The following CCSER1 variants were observed in gnomAD, a reference collection of about 807,000 sequenced individuals.
CCSER1 encodes the protein serine-rich coiled-coil domain-containing protein 1.
CCSER1 carries 41 observed loss-of-function variants against 82.0 expected under a neutral mutation model. The ratio of observed to expected loss-of-function variants is 0.50; its 90% CI spans 0.39 to 0.65. The LOEUF is 0.65. Among genes scored for constraint, CCSER1 ranks in the 30% least tolerant of loss-of-function variants. CCSER1 has a pLI of 0.00. For missense variants in CCSER1, 1,119 were observed against 1,064.2 expected (o/e 1.05, Z -0.72); for synonymous variants, 414 against 383.9 (o/e 1.08, Z -0.92).
intron 10 of CCSER1, among the ~76,000 whole-genome samples, chr4:91,172,314 A>G (rs1732846732): frequency 6.6e-6 from 1 of 152,186 alleles, no homozygotes; most frequent in Non-Finnish European, 1.5e-5. Flanking sequence ...ACAGAGAGAA[A>G]AAAGGAGAGC....
intron 1 of CCSER1, among the ~76,000 whole-genome samples, chr4:90,154,582 A>G (rs1578218090): frequency 6.7e-6 from 1 of 148,848 alleles, no homozygotes; most frequent in East Asian, 1.9e-4. Flanking sequence ...TTCTCCTTGA[A>G]GAGGTCCTTC....
chr4:91,415,538 G>A (rs1030400586), intron 10 of CCSER1, among the ~76,000 whole-genome samples: 1 of 152,058 alleles, frequency 6.6e-6, no homozygotes, highest in East Asian at 1.9e-4. Context: ...GTATGATATG[G>A]CTATGGGTTT....
At chr4:90,266,422 A>ATT (rs397968126) in intron 1 of CCSER1, among the ~76,000 whole-genome samples, 3,473 of 148,486 alleles carry the variant, frequency 0.023, 136 homozygotes, top group African/African-American at 0.073. Context: ...AAAATTGGGA[A>ATT]TTTTTTTTTT....
At chr4:91,052,710 AAT>A (rs1743112262) in intron 9 of CCSER1, among the ~76,000 whole-genome samples, 1 of 152,152 alleles carries the variant, frequency 6.6e-6, no homozygotes, top group African/African-American at 2.4e-5. Context: ...ATCAATAACT[AAT>A]ATCATACTGT....
chr4:90,258,993 G>A (rs751923558), intron 1 of CCSER1, among the ~76,000 whole-genome samples: 7 of 151,992 alleles, frequency 4.6e-5, no homozygotes, highest in Non-Finnish European at 7.4e-5. Context: ...TGAATTTTAG[G>A]ATTGTTTTTT....
At chr4:90,781,366 G>C (rs1753756356) in intron 7 of CCSER1, 1 of 985,290 alleles carries the variant, frequency 1.0e-6, no homozygotes, top group Non-Finnish European at 1.2e-6. Flanking sequence ...TGTATCTGTG[G>C]AATCCTGGTT....
Position 91,479,232 on chromosome 4 carries a change from G to T in CCSER1, c.2218-119340G>T, listed in dbSNP as rs368474191. ...TATGTTGAAAATTGTGACAAAGAAC[G>T]TTTAGTTTACTCTGGTCTTAGGGAA... On this transcript the variant is annotated intron_variant, in intron 10 of 10. Transcript: ENST00000509176. 5.7e-3 allele frequency among the ~76,000 whole-genome samples: 865 copies of T among 150,582 alleles called. 3 individuals carry two copies. Among genetic ancestry groups the T allele is most frequent in the Admixed American group, 0.01 (154 of 15,066 alleles).
intron 4 of CCSER1, among the ~76,000 whole-genome samples, chr4:90,403,483 A>G (rs1460122303): frequency 7.3e-6 from 1 of 136,418 alleles, no homozygotes; most frequent in East Asian, 2.4e-4. Flanking sequence ...TGGGCGACAG[A>G]GCGAGACTCC....
chr4:91,011,921 A>C lies in CCSER1; in HGVS notation c.2173-74029A>C, dbSNP rs985658274. ...CACAATAATGACTTCACTCCCTCTC[A>C]GGAGGTGGGTGTTTCTGCAGCTTAG... On this transcript the variant is annotated intron_variant, in intron 9 of 10. Coordinates refer to ENST00000509176, the MANE Select transcript of CCSER1 (RefSeq NM_001145065.2). Among the ~76,000 whole-genome samples the C allele has an allele frequency of 5.2e-5, 7 of 134,920 alleles. 1 individual carries two copies. Among genetic ancestry groups the C allele is most frequent in the Admixed American group, 4.4e-4 (6 of 13,716 alleles). The allele number at this position is 134,920 out of a possible 152,430, so 88.5% of individuals were successfully genotyped here.
intron 10 of CCSER1, among the ~76,000 whole-genome samples, chr4:91,297,143 T>C (rs1578141224): frequency 6.6e-6 from 1 of 151,546 alleles, no homozygotes; most frequent in African/African-American, 2.4e-5. Context: ...CAGTGAAGAG[T>C]CTTGGCTAAA....
chr4:90,695,903 A>G (rs1255544068), intron 6 of CCSER1, among the ~76,000 whole-genome samples: 1 of 152,060 alleles, frequency 6.6e-6, no homozygotes, highest in Admixed American at 6.6e-5. Context: ...AGAAATAGAG[A>G]TGACACAAAG....
chr4:90,233,991 GT>G (rs898817227), intron 1 of CCSER1, among the ~76,000 whole-genome samples: 2 of 151,994 alleles, frequency 1.3e-5, no homozygotes, highest in Non-Finnish European at 1.5e-5. Context: ...GTGTTTTAAG[GT>G]TACTTTTAAA....
At chr4:91,335,238 C>T (rs1255707197) in intron 10 of CCSER1, among the ~76,000 whole-genome samples, 1 of 151,986 alleles carries the variant, frequency 6.6e-6, no homozygotes, top group African/African-American at 2.4e-5. Flanking sequence ...AAACTGAGGG[C>T]AAAATGTATT....
chr4:90,448,717 A>G (rs1761038321), intron 4 of CCSER1, among the ~76,000 whole-genome samples: 1 of 151,940 alleles, frequency 6.6e-6, no homozygotes, highest in Non-Finnish European at 1.5e-5. Context: ...TGTTAATTAT[A>G]AATGCTCTTT....
At chr4:90,611,218 G>A (rs556010956) in intron 5 of CCSER1, among the ~76,000 whole-genome samples, 1 of 151,674 alleles carries the variant, frequency 6.6e-6, no homozygotes, top group Non-Finnish European at 1.5e-5. Context: ...TTCTTAACAA[G>A]CAAATGAAAA....
chr4:90,990,001 C>T (rs1435012536), intron 9 of CCSER1, among the ~76,000 whole-genome samples: 1 of 151,710 alleles, frequency 6.6e-6, no homozygotes, highest in African/African-American at 2.4e-5. Flanking sequence ...ATGTCTGGTC[C>T]ATGAGATTTT....
intron 10 of CCSER1, among the ~76,000 whole-genome samples, chr4:91,111,317 G>A (rs757231572): frequency 6.6e-6 from 1 of 151,962 alleles, no homozygotes; most frequent in East Asian, 1.9e-4. Context: ...CAGGTGGAAA[G>A]AAGATTAACT....
chr4:91,172,361 G>T (rs898245140), intron 10 of CCSER1, among the ~76,000 whole-genome samples: 1 of 152,166 alleles, frequency 6.6e-6, no homozygotes, highest in African/African-American at 2.4e-5. Flanking sequence ...AATTTTTCAT[G>T]TGGATGCATT....
intron 10 of CCSER1, among the ~76,000 whole-genome samples, chr4:91,157,902 A>C (rs929777416): frequency 6.6e-6 from 1 of 152,004 alleles, no homozygotes; most frequent in African/African-American, 2.4e-5. Flanking sequence ...TAAAGTTGTT[A>C]AATCATTTCT....
Sources: gnomAD v4.1 joint callset for allele counts (sites outside exome capture counted in the v4.1 genomes callset) on GRCh38, gnomAD v4.1.1 for gene constraint, MANE v1.5 for transcripts, NCBI Gene and HGNC (gene_info 2026-07-23, HGNC 2026-07-21) for gene names.